Variants in SLC24A3 observed in about 807,000 individuals in gnomAD.
SLC24A3 encodes the protein solute carrier family 24 member 3.
In SLC24A3, 28 loss-of-function variants were observed where a neutral mutation model predicts 75.8. The observed-to-expected ratio is 0.37, with a 90% CI of 0.27 to 0.51. The LOEUF is 0.51. SLC24A3 is among the 20% of genes least tolerant of loss of function. The pLI is 0.94. For missense variants in SLC24A3, 663 were observed against 847.8 expected, an observed-to-expected ratio of 0.78 and a Z score of 2.71; for synonymous variants, 372 against 334.1, an observed-to-expected ratio of 1.11 and a Z score of -1.24.
intron 6 of SLC24A3, among the ~76,000 whole-genome samples, chr20:19,604,383 T>C (rs2031568352): frequency 6.6e-6 from 1 of 151,880 alleles, no homozygotes; most frequent in African/African-American, 2.4e-5. Context: ...GAACTCCCAC[T>C]CCAAAGCCGT....
At chr20:19,253,958 G>A (rs1189982286) in intron 1 of SLC24A3, among the ~76,000 whole-genome samples, 3 of 152,094 alleles carry the variant, frequency 2.0e-5, no homozygotes, top group African/African-American at 7.2e-5. Context: ...GGAGGCTGTG[G>A]TGAGCACAAA....
intron 4 of SLC24A3, among the ~76,000 whole-genome samples, chr20:19,584,591 G>T (rs558556301): frequency 5.5e-4 from 83 of 152,230 alleles, no homozygotes; most frequent in Admixed American, 3.0e-3. Flanking sequence ...CAGACCTACC[G>T]CCTGCTGTGG....
intron 3 of SLC24A3, among the ~76,000 whole-genome samples, chr20:19,528,229 G>A (rs1443993091): frequency 1.3e-5 from 2 of 152,104 alleles, no homozygotes. Context: ...CTTTCAGTTT[G>A]AACAACTTAT....
At chr20:19,215,959 A>C (rs1389891653) in intron 1 of SLC24A3, among the ~76,000 whole-genome samples, 1 of 152,250 alleles carries the variant, frequency 6.6e-6, no homozygotes, top group Non-Finnish European at 1.5e-5. Flanking sequence ...AATTCTAACA[A>C]CAAAAGCAAT....
At chr20:19,409,847 G>GTATATATATA (rs548789154) in intron 2 of SLC24A3, among the ~76,000 whole-genome samples, 16 of 146,284 alleles carry the variant, frequency 1.1e-4, no homozygotes, top group African/African-American at 4.0e-4. Flanking sequence ...GTGTGTGTGT[G>GTATATATATA]TATATATATA....
At chr20:19,644,004 G>T (rs778994134) in intron 6 of SLC24A3, among the ~76,000 whole-genome samples, 2 of 152,140 alleles carry the variant, frequency 1.3e-5, no homozygotes, top group East Asian at 3.8e-4. Context: ...GGAGAGCTTG[G>T]GGGGAGCAGG....
At chr20:19,249,182 A>G (rs1222675649) in intron 1 of SLC24A3, among the ~76,000 whole-genome samples, 2 of 152,190 alleles carry the variant, frequency 1.3e-5, no homozygotes, top group Non-Finnish European at 2.9e-5. Flanking sequence ...TTGAAAAGCC[A>G]TTATAATTTT....
intron 2 of SLC24A3, among the ~76,000 whole-genome samples, chr20:19,454,416 G>C (rs1390245020): frequency 6.6e-6 from 1 of 152,194 alleles, no homozygotes; most frequent in Admixed American, 6.5e-5. Context: ...TTTCATTGTA[G>C]GATTTGCAGA....
intron 2 of SLC24A3, among the ~76,000 whole-genome samples, chr20:19,483,722 A>T (rs1988090859): frequency 6.6e-6 from 1 of 152,178 alleles, no homozygotes; most frequent in African/African-American, 2.4e-5. Flanking sequence ...AGTTGCTGTG[A>T]TAATAGCCCA....
intron 2 of SLC24A3, among the ~76,000 whole-genome samples, chr20:19,509,812 C>T (rs918354314): frequency 1.3e-5 from 2 of 152,304 alleles, no homozygotes; most frequent in Middle Eastern, 3.4e-3. Flanking sequence ...TCCTCAGAGG[C>T]CACTTTTCAA....
chr20:19,451,434 C>T (rs1173309401), intron 2 of SLC24A3, among the ~76,000 whole-genome samples: 1 of 152,260 alleles, frequency 6.6e-6, no homozygotes, highest in Non-Finnish European at 1.5e-5. Flanking sequence ...CATTCGTCAT[C>T]ATGTTGAGCC....
Position 19,665,847 on chromosome 20 carries a change from T to G in SLC24A3, c.688-17T>G. 1 of 1,593,752 alleles carries G rather than the reference T, an allele frequency of 6.3e-7. No homozygotes were observed. The highest frequency in any genetic ancestry group is 8.6e-7 in the Non-Finnish European group (1 of 1,168,410). On this transcript the variant is annotated splice_polypyrimidine_tract_variant and intron_variant, in intron 7 of 16. Transcript: ENST00000328041. ...TGTGTGTGTGTCTAATCTTCTATTC[T>G]TTTTATTTTTTCACAGTTTATTTAT...
At chr20:19,608,432 C>T (rs950294143) in intron 6 of SLC24A3, among the ~76,000 whole-genome samples, 9 of 152,202 alleles carry the variant, frequency 5.9e-5, no homozygotes, top group African/African-American at 2.2e-4. Flanking sequence ...GATCCCAATG[C>T]ATCATTCTAC....
chr20:19,447,463 C>T (rs540097468), intron 2 of SLC24A3, among the ~76,000 whole-genome samples: 3 of 152,016 alleles, frequency 2.0e-5, no homozygotes, highest in Non-Finnish European at 2.9e-5. Flanking sequence ...CCAAGCAGTA[C>T]GACTAGGGCC....
intron 2 of SLC24A3, among the ~76,000 whole-genome samples, chr20:19,332,957 G>C (rs1985035661): frequency 6.6e-6 from 1 of 152,190 alleles, no homozygotes; most frequent in Admixed American, 6.5e-5. Context: ...TCTCCTCCCA[G>C]GGTCAGATGA....
chr20:19,685,059 A>G (rs1284310314), intron 11 of SLC24A3, 41 bp from the exon 12 acceptor site: 4 of 1,552,702 alleles, frequency 2.6e-6, no homozygotes, highest in South Asian at 2.5e-5. Flanking sequence ...GGTATTTGCA[A>G]TCCCTCTGAC....
intron 2 of SLC24A3, among the ~76,000 whole-genome samples, chr20:19,287,254 C>G (rs1346713993): frequency 6.6e-6 from 1 of 152,198 alleles, no homozygotes; most frequent in Non-Finnish European, 1.5e-5. Flanking sequence ...TCCAAGGTTG[C>G]TGTGCTTCTT....
At chr20:19,306,144 T>C (rs1361653446) in intron 2 of SLC24A3, among the ~76,000 whole-genome samples, 1 of 152,194 alleles carries the variant, frequency 6.6e-6, no homozygotes, top group African/African-American at 2.4e-5. Flanking sequence ...CACTAATGAT[T>C]AGAGAAATGC....
chr20:19,263,881 A>G (rs1183284929), intron 1 of SLC24A3, among the ~76,000 whole-genome samples: 1 of 152,298 alleles, frequency 6.6e-6, no homozygotes, highest in East Asian at 1.9e-4. Flanking sequence ...GTGAGGCATC[A>G]AGAGGATATT....
Sources: allele counts gnomAD v4.1 joint callset (sites outside exome capture counted in the v4.1 genomes callset), GRCh38; gene constraint gnomAD v4.1.1; transcripts MANE v1.5; gene names NCBI Gene and HGNC (gene_info 2026-07-23, HGNC 2026-07-21).